The following PLXDC2 variants were observed in gnomAD, a reference collection of about 807,000 sequenced individuals.
PLXDC2 encodes the protein plexin domain-containing protein 2.
PLXDC2 carries 40 observed loss-of-function variants against 68.9 expected under a neutral mutation model. That is an observed-to-expected ratio of 0.58 (90% CI 0.45 to 0.76). The LOEUF is 0.76. PLXDC2 is among the 30% of genes least tolerant of loss of function. PLXDC2 has a pLI of 0.00. For synonymous variants in PLXDC2, 243 were observed against 234.2 expected (o/e 1.04, Z -0.34); for missense variants, 644 against 661.9 (o/e 0.97, Z 0.30).
At chr10:20,253,044 A>G (rs1184376111) in intron 13 of PLXDC2, among the ~76,000 whole-genome samples, 1 of 152,052 alleles carries the variant, frequency 6.6e-6, no homozygotes, top group Non-Finnish European at 1.5e-5. Context: ...AAGTAAATAA[A>G]TAAAAAAAGA....
At chr10:20,165,593 G>T (rs1834364426) in intron 7 of PLXDC2, among the ~76,000 whole-genome samples, 1 of 151,814 alleles carries the variant, frequency 6.6e-6, no homozygotes, top group Non-Finnish European at 1.5e-5. Flanking sequence ...CCATGTCCCT[G>T]TGCTATCTTA....
At chr10:19,965,900 C>T (rs938150280) in intron 1 of PLXDC2, among the ~76,000 whole-genome samples, 8 of 152,104 alleles carry the variant, frequency 5.3e-5, no homozygotes, top group Non-Finnish European at 1.2e-4. Context: ...AATGGATTGA[C>T]AGTGCCCTTC....
intron 1 of PLXDC2, among the ~76,000 whole-genome samples, chr10:19,861,439 C>T (rs1187839121): frequency 6.6e-6 from 1 of 152,074 alleles, no homozygotes; most frequent in African/African-American, 2.4e-5. Context: ...AATAAAACCT[C>T]ACTTTGCCAC....
intron 2 of PLXDC2, among the ~76,000 whole-genome samples, chr10:20,045,368 G>C (rs929813787): frequency 6.6e-6 from 1 of 151,924 alleles, no homozygotes; most frequent in African/African-American, 2.4e-5. Flanking sequence ...ACTGTGTTTT[G>C]CCATGTTAGC....
chr10:19,922,543 G>A (rs900061158), intron 1 of PLXDC2, among the ~76,000 whole-genome samples: 1 of 152,096 alleles, frequency 6.6e-6, no homozygotes, highest in Non-Finnish European at 1.5e-5. Context: ...CCTGGGGTTG[G>A]GTTTGTTGGA....
intron 2 of PLXDC2, among the ~76,000 whole-genome samples, chr10:20,015,008 G>A (rs547665646): frequency 1.3e-5 from 2 of 152,238 alleles, no homozygotes; most frequent in East Asian, 1.9e-4. Context: ...AGAAAGAATC[G>A]AGGAAGAGAA....
intron 9 of PLXDC2, among the ~76,000 whole-genome samples, chr10:20,208,203 C>T (rs944546126): frequency 2.6e-5 from 4 of 152,016 alleles, no homozygotes; most frequent in African/African-American, 9.7e-5. Context: ...CTGATAAAGA[C>T]ATATCTTAGA....
intron 9 of PLXDC2, among the ~76,000 whole-genome samples, chr10:20,202,744 C>T (rs1192900524): frequency 1.3e-5 from 2 of 152,052 alleles, no homozygotes; most frequent in African/African-American, 4.8e-5. Flanking sequence ...TGAATGAATA[C>T]TTCATTCTCT....
chr10:20,267,884 C>G (rs1480292361), intron 13 of PLXDC2, among the ~76,000 whole-genome samples: 1 of 151,048 alleles, frequency 6.6e-6, no homozygotes, highest in East Asian at 1.9e-4. Flanking sequence ...GGATTACTTC[C>G]AGAGCTATCA....
At chr10:19,853,077 C>T (rs1837151035) in intron 1 of PLXDC2, among the ~76,000 whole-genome samples, 1 of 152,216 alleles carries the variant, frequency 6.6e-6, no homozygotes, top group Non-Finnish European at 1.5e-5. Flanking sequence ...TTCAGTTGCT[C>T]AATAAAGGTT....
chr10:20,047,090 T>G, intron 3 of PLXDC2, 75 bp downstream of exon 3: 11 of 1,398,864 alleles, frequency 7.9e-6, no homozygotes, highest in Non-Finnish European at 1.0e-5. Flanking sequence ...TACAACCATT[T>G]CTTTTATGAG....
chr10:19,906,127 G>C (rs959115140), intron 1 of PLXDC2, among the ~76,000 whole-genome samples: 1 of 152,180 alleles, frequency 6.6e-6, no homozygotes, highest in Non-Finnish European at 1.5e-5. Flanking sequence ...AAATAAAGAA[G>C]AGAGAGGGAC....
At chr10:19,856,350 C>T in intron 1 of PLXDC2, among the ~76,000 whole-genome samples, 1 of 148,374 alleles carries the variant, frequency 6.7e-6, no homozygotes, top group Non-Finnish European at 1.5e-5. Flanking sequence ...ACAGTGGAAG[C>T]TTTATACACA....
At chr10:20,147,076 A>G (rs1834090554) in intron 5 of PLXDC2, among the ~76,000 whole-genome samples, 1 of 152,156 alleles carries the variant, frequency 6.6e-6, no homozygotes, top group African/African-American at 2.4e-5. Flanking sequence ...ACTGGTGACT[A>G]TTAAACTATG....
intron 2 of PLXDC2, among the ~76,000 whole-genome samples, chr10:20,004,447 A>T (rs1589580790): frequency 6.6e-6 from 1 of 152,012 alleles, no homozygotes; most frequent in East Asian, 1.9e-4. Flanking sequence ...TCCCTGAGCC[A>T]CTCTTTAGCT....
intron 9 of PLXDC2, among the ~76,000 whole-genome samples, chr10:20,206,621 A>G (rs1834996438): frequency 6.6e-6 from 1 of 152,026 alleles, no homozygotes; most frequent in Admixed American, 6.6e-5. Context: ...GCCTGAATAT[A>G]TTGTAGAGGA....
At chr10:20,093,841 T>A (rs113189461) in intron 4 of PLXDC2, among the ~76,000 whole-genome samples, 1,582 of 151,870 alleles carry the variant, frequency 0.01, 35 homozygotes, top group African/African-American at 0.037. Flanking sequence ...GCCTGGCTAA[T>A]TTTTTGTATT....
chr10:19,901,630 C>T (rs545725748), intron 1 of PLXDC2, among the ~76,000 whole-genome samples: 22 of 152,162 alleles, frequency 1.4e-4, no homozygotes, highest in South Asian at 8.3e-4. Flanking sequence ...TGTGGGTTGT[C>T]GGTTAACTCT....
Position 20,159,671 on chromosome 10 carries a change from A to G in PLXDC2, c.784-4797A>G, listed in dbSNP as rs373880411. On this transcript the variant is annotated intron_variant, in intron 6 of 13. Transcript: ENST00000377252. ...GTCACTGTCATGGCTTGCAAGGAAT[A>G]CACGCTCCCTATGATCTGCCCCTAC... 3.2e-4 allele frequency among the ~76,000 whole-genome samples: 48 copies of G among 152,276 alleles called. No individual in the cohort carries two copies. The East Asian group carries it at 7.7e-3, about 24-fold the overall frequency.
Sources: allele counts gnomAD v4.1 joint callset (sites outside exome capture counted in the v4.1 genomes callset), GRCh38; gene constraint gnomAD v4.1.1; transcripts MANE v1.5; gene names NCBI Gene and HGNC (gene_info 2026-07-23, HGNC 2026-07-21).